The following MASP1 variants were observed in gnomAD, a reference collection of about 807,000 sequenced individuals.
The protein encoded by MASP1 is mannan-binding lectin serine protease 1.
Under a neutral mutation model 77.1 loss-of-function variants are expected in MASP1, and 59 were observed. The ratio of observed to expected loss-of-function variants is 0.77; its 90% CI spans 0.62 to 0.95. The LOEUF is 0.95. MASP1 is among the 40% of genes least tolerant of loss of function. The probability of loss-of-function intolerance (pLI) is 0.00; values close to 1 mark genes in which losing one functional copy is unlikely to be tolerated. For synonymous variants in MASP1, 362 were observed against 354.5 expected (o/e 1.02, Z -0.24); for missense variants, 885 against 912.9 (o/e 0.97, Z 0.39).
intron 2 of MASP1, among the ~76,000 whole-genome samples, chr3:187,279,686 A>T (rs768275296): frequency 2.0e-5 from 3 of 152,140 alleles, no homozygotes; most frequent in East Asian, 1.9e-4. Flanking sequence ...CATCATTCCC[A>T]TCCTCTTCAA....
At chr3:187,287,969 A>C (rs1182597516) in intron 1 of MASP1, among the ~76,000 whole-genome samples, 1 of 152,218 alleles carries the variant, frequency 6.6e-6, no homozygotes, top group African/African-American at 2.4e-5. Flanking sequence ...GTAAGTACAA[A>C]ATGTCTGAAA....
At position 187,243,503 on chromosome 3, in the gene MASP1, C is replaced by G; in HGVS notation, c.1209G>C (p.Lys403Asn). Residue 403 changes from lysine (K) to asparagine (N), a missense_variant, in exon 9 of 11, where the codon AAG becomes AAC. Transcript: ENST00000296280. ...IKYSCQEPYYKMLNNNTGIYT... is the reference protein window; with the variant it reads ...IKYSCQEPYYNMLNNNTGIYT... ...GCTTACCTGTGTTATTGTTGAGCAT[C>G]TTGTAATAGGGCTCCTGACAGGAGT... 6.2e-7 allele frequency: 1 copy of G among 1,614,096 alleles called. No individual in the cohort carries two copies. The highest frequency in any genetic ancestry group is 1.1e-5 in the South Asian group (1 of 91,072).
At chr3:187,251,424 A>T (rs563732403) in intron 7 of MASP1, 1 of 564,176 alleles carries the variant, frequency 1.8e-6, no homozygotes, top group African/African-American at 1.9e-5. Flanking sequence ...AAAAAAAAAA[A>T]AAAACAAACT....
chr3:187,269,696 A>G (rs941498408), intron 2 of MASP1, among the ~76,000 whole-genome samples: 7 of 152,228 alleles, frequency 4.6e-5, no homozygotes, highest in Non-Finnish European at 8.8e-5. Context: ...CAGAATTACT[A>G]TGGAGCAGTA....
intron 10 of MASP1, among the ~76,000 whole-genome samples, chr3:187,237,994 G>C (rs959260032): frequency 6.6e-6 from 1 of 152,172 alleles, no homozygotes; most frequent in African/African-American, 2.4e-5. Flanking sequence ...GATGTGAACT[G>C]GTCTTTGTAA....
In MASP1 at chr3:187,234,603, AGT is replaced by A. The variant is rs1214001965; in HGVS notation, c.*1079_*1080del. 4.7e-6 allele frequency: 6 copies of A among 1,287,062 alleles called. No homozygotes were observed. The highest frequency in any genetic ancestry group is 5.1e-6 in the Non-Finnish European group (5 of 988,692). The allele number at this position is 1,287,062 out of a possible 1,614,324, so 79.7% of individuals were successfully genotyped here. A position where few individuals can be genotyped will look rare whatever the true frequency, so the allele number is the denominator to read the frequency against. ...TTCCTTTGACTCTGAAAAATGAAGG[AGT>A]GGGTCCCTCTGAACATCCTGCGGGG... is the stretch of plus-strand genomic sequence containing the variant. On this transcript the variant is annotated 3_prime_UTR_variant, in exon 11 of 11. Coordinates refer to ENST00000296280, the MANE Select transcript of MASP1 (RefSeq NM_139125.4).
chr3:187,221,452 T>C (rs1712055881), intron 14 of MASP1, among the ~76,000 whole-genome samples: 1 of 152,220 alleles, frequency 6.6e-6, no homozygotes, highest in Non-Finnish European at 1.5e-5. Flanking sequence ...TATTAGTCAA[T>C]AGGACAATGT....
chr3:187,256,752 T>C lies in MASP1; in HGVS notation c.656A>G (p.Glu219Gly). The C allele has an allele frequency of 6.2e-7, 1 of 1,613,946 alleles. No homozygotes were observed. Among genetic ancestry groups the C allele is most frequent in the East Asian group, 2.2e-5 (1 of 44,856 alleles). Residue 219 changes from glutamate (E) to glycine (G), a missense_variant, in exon 5 of 11, where the codon GAG becomes GGG. Glu to Gly is a moderately conservative substitution (Grantham distance 98, BLOSUM62 -2). Coordinates refer to ENST00000296280, the MANE Select transcript of MASP1 (RefSeq NM_139125.4). ...CTGCAGGTTGACCATGAAACCCTCC[T>C]CCAGCTCGATGGTATACAGGCATTC... ...SSECLYTIELEEGFMVNLQFE... is the reference protein window; with the variant it reads ...SSECLYTIELGEGFMVNLQFE...
chr3:187,266,142 A>G (rs987183382), intron 2 of MASP1, among the ~76,000 whole-genome samples: 3 of 151,968 alleles, frequency 2.0e-5, no homozygotes, highest in East Asian at 1.9e-4. Flanking sequence ...TAAACTCTTC[A>G]TTTTTCTATT....
At chr3:187,256,528 A>T (rs1171530696) in intron 5 of MASP1, 136 bp downstream of exon 5, 28 of 810,318 alleles carry the variant, frequency 3.5e-5, no homozygotes, top group Non-Finnish European at 5.7e-5. Context: ...TATTATTTTA[A>T]ATAATGCCTT....
At chr3:187,223,240 G>A (rs374402207) in intron 13 of MASP1, 1 of 1,473,912 alleles carries the variant, frequency 6.8e-7, no homozygotes, top group Non-Finnish European at 9.5e-7. Context: ...TATCTGTGGG[G>A]TGTTTGGAGG....
chr3:187,226,896 A>C (rs1712468304), intron 11 of MASP1, among the ~76,000 whole-genome samples: 1 of 152,196 alleles, frequency 6.6e-6, no homozygotes, highest in South Asian at 2.1e-4. Context: ...TGCCTGGACC[A>C]GCAACATTAG....
At chr3:187,259,953 C>T (rs992399659) in intron 4 of MASP1, among the ~76,000 whole-genome samples, 2 of 152,190 alleles carry the variant, frequency 1.3e-5, no homozygotes, top group African/African-American at 4.8e-5. Context: ...CTTCTCTCTG[C>T]CTGGAAGGCC....
At chr3:187,260,656 A>T in intron 4 of MASP1, 85 bp downstream of exon 4, 1 of 1,573,098 alleles carries the variant, frequency 6.4e-7, no homozygotes, top group Non-Finnish European at 8.7e-7. Context: ...TTCCTATTGC[A>T]TATCTGTCTT....
intron 5 of MASP1, among the ~76,000 whole-genome samples, chr3:187,255,067 T>C (rs927364297): frequency 4.6e-5 from 7 of 152,106 alleles, no homozygotes; most frequent in African/African-American, 7.2e-5. Context: ...TTATGTTAAA[T>C]GGCAAAAGGG....
chr3:187,251,670 C>T lies in MASP1; in HGVS notation c.975G>A (p.Val325=). ...TGTAGCCTGTGTCACAGCTGACGAG[C>T]ACTTGGTCTTTGAAGAAATACTTGG... The part of the protein sequence containing the change: ...SQAKYFFKDQ[V]LVSCDTGYKV... The change falls in exon 7 of 11, where the codon GTG becomes GTA. Residue 325 remains valine (V), a synonymous_variant. Transcript: ENST00000296280. 1.2e-6 allele frequency: 2 copies of T among 1,614,174 alleles called. No individual in the cohort carries two copies. The highest frequency in any genetic ancestry group is 1.1e-5 in the South Asian group (1 of 91,080).
chr3:187,267,570 AT>A (rs1283984855), intron 2 of MASP1, among the ~76,000 whole-genome samples: 1 of 151,160 alleles, frequency 6.6e-6, no homozygotes, highest in Non-Finnish European at 1.5e-5. Context: ...TGTCCAACAC[AT>A]CCTCACTTGC....
At chr3:187,274,696 C>T (rs1053887407) in intron 2 of MASP1, among the ~76,000 whole-genome samples, 2 of 152,144 alleles carry the variant, frequency 1.3e-5, no homozygotes, top group African/African-American at 2.4e-5. Context: ...TGTGTACATG[C>T]AAATGCTTGG....
chr3:187,253,115 T>C, intron 6 of MASP1, 53 bp downstream of exon 6: 1 of 1,610,122 alleles, frequency 6.2e-7, no homozygotes, highest in Non-Finnish European at 8.5e-7. Flanking sequence ...AGCCACTGCC[T>C]CTGCAAGGGC....
Sources: gnomAD v4.1 joint callset for allele counts (sites outside exome capture counted in the v4.1 genomes callset) on GRCh38, gnomAD v4.1.1 for gene constraint, MANE v1.5 for transcripts, NCBI Gene and HGNC (gene_info 2026-07-23, HGNC 2026-07-21) for gene names.